The following ST7 variants were observed in gnomAD, a reference collection of about 807,000 sequenced individuals.
ST7 encodes the protein suppression of tumorigenicity 7.
A neutral mutation model predicts 78.7 loss-of-function variants in ST7; 28 were observed. That is an observed-to-expected ratio of 0.36 (90% CI 0.26 to 0.49). The LOEUF is 0.49. ST7 is among the 20% of genes least tolerant of loss of function. The probability of loss-of-function intolerance (pLI) is 0.99; values close to 1 mark genes in which losing one functional copy is unlikely to be tolerated. For synonymous variants in ST7, 247 were observed against 249.6 expected, an observed-to-expected ratio of 0.99 and a Z score of 0.10; for missense variants, 418 against 696.0, an observed-to-expected ratio of 0.60 and a Z score of 4.49.
chr7:117,228,303 G>A (rs1384068105), intron 15 of ST7, among the ~76,000 whole-genome samples: 1 of 152,144 alleles, frequency 6.6e-6, no homozygotes, highest in Non-Finnish European at 1.5e-5. Flanking sequence ...CTCATTATTA[G>A]TTTGCTCTGT....
At chr7:117,222,908 G>C in intron 15 of ST7, 2 of 1,614,158 alleles carry the variant, frequency 1.2e-6, no homozygotes, top group Middle Eastern at 3.3e-4. Context: ...GGAATTGCAA[G>C]AGTATTTTCA....
chr7:117,171,540 T>C (rs538746076), intron 10 of ST7, among the ~76,000 whole-genome samples: 12 of 152,034 alleles, frequency 7.9e-5, no homozygotes, highest in African/African-American at 2.9e-4. Flanking sequence ...GAAGTCCCTT[T>C]GCCATTCTGG....
At chr7:116,984,720 T>C (rs764549840) in intron 1 of ST7, among the ~76,000 whole-genome samples, 8 of 152,196 alleles carry the variant, frequency 5.3e-5, no homozygotes, top group Non-Finnish European at 1.2e-4. Flanking sequence ...TATGTAAATA[T>C]GCCCAACACA....
chr7:117,220,061 C>T (rs1320105365), intron 14 of ST7, among the ~76,000 whole-genome samples: 2 of 152,278 alleles, frequency 1.3e-5, no homozygotes, highest in African/African-American at 4.8e-5. Context: ...TTCACCAGCC[C>T]CAGTTATATC....
At chr7:117,158,985 G>A (rs1026070696) in intron 9 of ST7, among the ~76,000 whole-genome samples, 1 of 152,126 alleles carries the variant, frequency 6.6e-6, no homozygotes, top group Admixed American at 6.5e-5. Context: ...AATCTGGCTG[G>A]CTGAGGATCT....
At chr7:117,151,946 C>T (rs113475008) in intron 9 of ST7, among the ~76,000 whole-genome samples, 2 of 151,356 alleles carry the variant, frequency 1.3e-5, no homozygotes, top group Admixed American at 1.3e-4. Context: ...ATGGGGAAAC[C>T]CTGTCTCTAC....
At chr7:116,984,027 A>T (rs928221274) in intron 1 of ST7, among the ~76,000 whole-genome samples, 13 of 152,122 alleles carry the variant, frequency 8.5e-5, no homozygotes, top group African/African-American at 3.1e-4. Context: ...GCCTTGAAGA[A>T]ACCTTGCAAA....
chr7:117,128,334 A>T (rs555109607), intron 3 of ST7: 15 of 151,964 alleles, frequency 9.9e-5, no homozygotes, highest in Admixed American at 9.9e-4. Flanking sequence ...TCAAGGTGTT[A>T]GTGATTCCTC....
chr7:117,007,025 T>G (rs1343334717), intron 1 of ST7, among the ~76,000 whole-genome samples: 1 of 152,158 alleles, frequency 6.6e-6, no homozygotes, highest in Non-Finnish European at 1.5e-5. Context: ...GACACAATAT[T>G]GAAATTAGGC....
chr7:117,076,493 G>C (rs957226532), intron 1 of ST7: 4 of 152,238 alleles, frequency 2.6e-5, no homozygotes, highest in African/African-American at 7.2e-5. Flanking sequence ...TGTTTACTCA[G>C]CCTGCTGCTC....
At chr7:116,996,328 C>G (rs546935639) in intron 1 of ST7, among the ~76,000 whole-genome samples, 2 of 152,170 alleles carry the variant, frequency 1.3e-5, no homozygotes, top group African/African-American at 2.4e-5. Flanking sequence ...CCACCCACCT[C>G]GGCCTCCCAA....
At chr7:117,037,207 G>A (rs1213532420) in intron 1 of ST7, among the ~76,000 whole-genome samples, 1 of 152,178 alleles carries the variant, frequency 6.6e-6, no homozygotes, top group Non-Finnish European at 1.5e-5. Context: ...GGAAGGTCCT[G>A]TGACCTTGTA....
At chr7:117,101,709 A>G (rs1202694280) in intron 2 of ST7, among the ~76,000 whole-genome samples, 1 of 152,246 alleles carries the variant, frequency 6.6e-6, no homozygotes, top group East Asian at 1.9e-4. Flanking sequence ...TATTAGAAGT[A>G]GAGTCCTTAG....
intron 1 of ST7, among the ~76,000 whole-genome samples, chr7:117,010,470 A>T (rs763690225): frequency 6.6e-6 from 1 of 152,198 alleles, no homozygotes; most frequent in Non-Finnish European, 1.5e-5. Context: ...GGATGACAAA[A>T]CATGAAAAGG....
Position 117,130,595 on chromosome 7 carries a change from C to G in ST7, c.554C>G (p.Pro185Arg), listed in dbSNP as rs763958953. Residue 185 changes from proline (P) to arginine (R), a missense_variant, in exon 5 of 16, where the codon CCC (proline) becomes CGC (arginine). By Grantham distance (103) the Pro-to-Arg change is moderately radical. Around this residue, in one of 4 missense-constraint regions of ST7, gnomAD observed 288 missense variants for 537.1 expected, o/e 0.54. Coordinates refer to ENST00000323984, the MANE Select transcript of ST7 (RefSeq NM_001369598.1). The stretch of plus-strand genomic sequence containing the variant: ...ACTTGTGACTCGGACCATCTGCGTC[C>G]CGCAGATGCAAGTATGAAAAATCCA... ...FFTCDSDHLR[P>R]ADAIMQKAWR... The G allele has an allele frequency of 1.2e-6, 2 of 1,608,038 alleles. No individual in the cohort carries two copies. The highest frequency in any genetic ancestry group is 2.2e-5 in the South Asian group (2 of 90,698).
At chr7:117,071,074 C>T (rs887035746) in intron 1 of ST7, among the ~76,000 whole-genome samples, 1 of 151,858 alleles carries the variant, frequency 6.6e-6, no homozygotes, top group African/African-American at 2.4e-5. Flanking sequence ...AAAAAATTAG[C>T]CGGGCGTGGT....
intron 3 of ST7, among the ~76,000 whole-genome samples, chr7:117,122,357 G>C (rs1803462937): frequency 6.6e-6 from 1 of 152,138 alleles, no homozygotes; most frequent in African/African-American, 2.4e-5. Context: ...GGAGTGATGT[G>C]ATCAGATCTA....
intron 1 of ST7, among the ~76,000 whole-genome samples, chr7:117,045,361 T>C (rs190993680): frequency 6.6e-6 from 1 of 152,200 alleles, no homozygotes; most frequent in East Asian, 1.9e-4. Context: ...CTTAATCAGC[T>C]CTAGTCACAT....
chr7:116,977,177 A>T (rs1311202614), intron 1 of ST7, among the ~76,000 whole-genome samples: 1 of 152,226 alleles, frequency 6.6e-6, no homozygotes, highest in Admixed American at 6.5e-5. Flanking sequence ...CTGTTCTAAC[A>T]TTCTGATTCT....
Sources: allele counts gnomAD v4.1 joint callset (sites outside exome capture counted in the v4.1 genomes callset), GRCh38; gene constraint gnomAD v4.1.1; regional missense constraint gnomAD v4.1.1; transcripts MANE v1.5; gene names NCBI Gene and HGNC (gene_info 2026-07-23, HGNC 2026-07-21).